Variants in GABBR2 observed in about 807,000 individuals in gnomAD.
GABBR2 encodes the protein G-protein coupled receptor 51.
A neutral mutation model predicts 105.6 loss-of-function variants in GABBR2; 23 were observed. The ratio of observed to expected loss-of-function variants is 0.22; its 90% confidence interval spans 0.16 to 0.31. The LOEUF is 0.31. Among genes scored for constraint, GABBR2 ranks in the 10% least tolerant of loss-of-function variants. GABBR2 has a pLI of 1.00. For missense variants in GABBR2, 734 were observed against 1,245.5 expected, an observed-to-expected ratio of 0.59 and a Z score of 6.18; for synonymous variants, 478 against 499.7, an observed-to-expected ratio of 0.96 and a Z score of 0.58.
intron 1 of GABBR2, among the ~76,000 whole-genome samples, chr9:98,628,988 T>C (rs1300920483): frequency 6.6e-6 from 1 of 152,242 alleles, no homozygotes; most frequent in African/African-American, 2.4e-5. Context: ...TCTTGATCAA[T>C]GTTAAACTTG....
intron 1 of GABBR2, among the ~76,000 whole-genome samples, chr9:98,600,023 G>C (rs928064160): frequency 2.0e-4 from 30 of 152,184 alleles, no homozygotes; most frequent in African/African-American, 7.2e-4. Flanking sequence ...CTGGCTAATT[G>C]CTGAAGCTGG....
intron 6 of GABBR2, among the ~76,000 whole-genome samples, chr9:98,472,916 G>T (rs1279411594): frequency 6.6e-6 from 1 of 152,118 alleles, no homozygotes; most frequent in Non-Finnish European, 1.5e-5. Flanking sequence ...TGTGTACTGT[G>T]TTATGTGCTT....
intron 3 of GABBR2, among the ~76,000 whole-genome samples, chr9:98,507,762 C>T (rs1415955923): frequency 6.6e-6 from 1 of 152,170 alleles, no homozygotes; most frequent in Non-Finnish European, 1.5e-5. Flanking sequence ...CTCTTCTCGG[C>T]TAAACAGAAT....
intron 1 of GABBR2, among the ~76,000 whole-genome samples, chr9:98,655,855 G>A (rs1830174995): frequency 6.6e-6 from 1 of 152,160 alleles, no homozygotes; most frequent in Non-Finnish European, 1.5e-5. Flanking sequence ...GGCTACAGGA[G>A]GGATAGCATT....
chr9:98,332,418 T>C (rs1831044119), intron 13 of GABBR2, among the ~76,000 whole-genome samples: 1 of 152,168 alleles, frequency 6.6e-6, no homozygotes, highest in Non-Finnish European at 1.5e-5. Context: ...AACTAGGTAC[T>C]TGAACATGTT....
chr9:98,308,759 G>A (rs1830590415), intron 14 of GABBR2, among the ~76,000 whole-genome samples: 1 of 152,204 alleles, frequency 6.6e-6, no homozygotes, highest in African/African-American at 2.4e-5. Flanking sequence ...GACCACAAGT[G>A]TCTGTCTGGA....
intron 1 of GABBR2, among the ~76,000 whole-genome samples, chr9:98,625,172 A>G (rs906979177): frequency 3.3e-5 from 5 of 151,484 alleles, no homozygotes; most frequent in African/African-American, 9.6e-5. Context: ...AACCCAGCCC[A>G]TGCCCCAGTT....
At chr9:98,345,068 A>C (rs1831280445) in intron 13 of GABBR2, among the ~76,000 whole-genome samples, 1 of 151,898 alleles carries the variant, frequency 6.6e-6, no homozygotes, top group Non-Finnish European at 1.5e-5. Flanking sequence ...CCCTGCCCCC[A>C]TATCACTACC....
intron 1 of GABBR2, among the ~76,000 whole-genome samples, chr9:98,649,384 C>T (rs944754144): frequency 1.4e-4 from 21 of 152,152 alleles, no homozygotes; most frequent in South Asian, 4.1e-4. Context: ...CACCCAGTTT[C>T]GCCCCTTACG....
rs546433247 is a variant in GABBR2, at chr9:98,408,263, A to G, written c.1237-2122T>C. Among the ~76,000 whole-genome samples, 3 of 152,292 alleles carry G rather than the reference A, an allele frequency of 2.0e-5. No individual in the cohort carries two copies. In the East Asian group the frequency reaches 5.8e-4, roughly 29 times the overall value. On this transcript the variant is annotated intron_variant, in intron 7 of 18. Transcript: ENST00000259455. The stretch of plus-strand genomic sequence containing the variant: ...CACCTCCCAGAATCATCAGCCCCCA[A>G]ATGACTGACTTCCCAAACAACACGA...
At chr9:98,404,237 A>C (rs1362054487) in intron 8 of GABBR2, among the ~76,000 whole-genome samples, 1 of 151,946 alleles carries the variant, frequency 6.6e-6, no homozygotes, top group African/African-American at 2.4e-5. Flanking sequence ...CAAGATGCTT[A>C]CTTTGTTCAA....
chr9:98,351,444 G>A (rs1245374462), intron 13 of GABBR2, among the ~76,000 whole-genome samples: 1 of 152,010 alleles, frequency 6.6e-6, no homozygotes, highest in Non-Finnish European at 1.5e-5. Context: ...TTTTCATGAA[G>A]GCAGATACCA....
rs769683035 is a variant in GABBR2, at chr9:98,599,666, CG to C, written c.322-21595del. Among the ~76,000 whole-genome samples, 9 of 152,340 alleles carry C rather than the reference CG, an allele frequency of 5.9e-5. No individual in the cohort carries two copies. The South Asian group carries it at 8.3e-4, about 14-fold the overall frequency. On this transcript the variant is annotated intron_variant, in intron 1 of 18. Transcript: ENST00000259455. The stretch of plus-strand genomic sequence containing the variant: ...CAGACACAGTATGCAGTGGTGCTGA[CG>C]GGCTCTGAGCAGGGCATGCGGGTAT...
chr9:98,376,561 G>A (rs1264693774), intron 11 of GABBR2, among the ~76,000 whole-genome samples: 1 of 152,182 alleles, frequency 6.6e-6, no homozygotes, highest in Non-Finnish European at 1.5e-5. Context: ...GCAAGCCCCA[G>A]AGCACTGTGA....
At chr9:98,646,168 C>T (rs114689266) in intron 1 of GABBR2, among the ~76,000 whole-genome samples, 2 of 152,174 alleles carry the variant, frequency 1.3e-5, no homozygotes, top group Non-Finnish European at 2.9e-5. Context: ...GTTCCCACTC[C>T]CCTCTGATAA....
At chr9:98,546,038 A>T (rs2131744755) in intron 2 of GABBR2, among the ~76,000 whole-genome samples, 1 of 152,264 alleles carries the variant, frequency 6.6e-6, no homozygotes, top group South Asian at 2.1e-4. Flanking sequence ...TTAAAATTTA[A>T]TTTCTAGTTT....
rs1830558931 is a variant in GABBR2 at position 98,306,803 on chromosome 9, G to GTC, written c.2005-460_2005-459dup. 6.6e-6 allele frequency among the ~76,000 whole-genome samples: 1 copy of GTC among 152,188 alleles called. No homozygotes were observed. Among genetic ancestry groups the GTC allele is most frequent in the African/African-American group, 2.4e-5 (1 of 41,450 alleles). On this transcript the variant is annotated intron_variant, in intron 14 of 18. Transcript: ENST00000259455. This position sits in a 1 kb window ranked among gnomAD's most constrained non-coding sequence, Gnocchi z 5.4. ...CTATTAAACTAAGCAGATCCCTTGT[G>GTC]TCTGAGACTTCTATTGTCCCCAAGC...
chr9:98,623,053 A>T (rs1829690250), intron 1 of GABBR2, among the ~76,000 whole-genome samples: 1 of 152,192 alleles, frequency 6.6e-6, no homozygotes, highest in Non-Finnish European at 1.5e-5. Context: ...TGGGAGGCAA[A>T]GAGTATGTGG....
At chr9:98,698,166 G>A (rs1434242892) in intron 1 of GABBR2, among the ~76,000 whole-genome samples, 2 of 152,256 alleles carry the variant, frequency 1.3e-5, no homozygotes, top group African/African-American at 2.4e-5. Flanking sequence ...GTCCTTCTTT[G>A]GCTAGATTTT....
Sources: allele counts gnomAD v4.1 joint callset (sites outside exome capture counted in the v4.1 genomes callset), GRCh38; gene constraint gnomAD v4.1.1; non-coding constraint Gnocchi (gnomAD v3.1); transcripts MANE v1.5; gene names NCBI Gene and HGNC (gene_info 2026-07-23, HGNC 2026-07-21).